The following DCAF8L2 variants were observed in gnomAD, a reference collection of about 807,000 sequenced individuals.
The protein encoded by DCAF8L2 is DDB1- and CUL4-associated factor 8-like protein 2.
For missense variants in DCAF8L2, 430 were observed against 490.7 expected, an observed-to-expected ratio of 0.88 and a Z score of 1.17; for synonymous variants, 200 against 190.9, an observed-to-expected ratio of 1.05 and a Z score of -0.39.
the DCAF8L2 span, among the ~76,000 whole-genome samples, chrX:27,492,018 C>T: frequency 8.9e-6 from 1 of 112,136 alleles, no homozygotes; most frequent in South Asian, 3.7e-4. Flanking sequence ...ATCTGATTTT[C>T]GAAAATACCA....
chrX:27,682,247 G>T (rs1173174230), intron 3 of DCAF8L2, among the ~76,000 whole-genome samples: 1 of 111,872 alleles, frequency 8.9e-6, no homozygotes, highest in Non-Finnish European at 1.9e-5. Context: ...TTACAGGCAT[G>T]AACTACTGTG....
chrX:27,626,636 T>C (rs186138244), intron 1 of DCAF8L2, among the ~76,000 whole-genome samples: 18 of 112,259 alleles, frequency 1.6e-4, no homozygotes, highest in African/African-American at 5.5e-4. Context: ...ATTTGATATG[T>C]AATATTTTTA....
chrX:27,585,451 A>T (rs780505383), upstream of DCAF8L2, among the ~76,000 whole-genome samples: 2 of 111,753 alleles, frequency 1.8e-5, no homozygotes, highest in East Asian at 5.7e-4. Flanking sequence ...AGATTGTCCT[A>T]GATTCCCTTT....
intron 2 of DCAF8L2, chrX:27,676,859 G>C (rs1930156393): frequency 9.0e-6 from 1 of 111,496 alleles, no homozygotes. Flanking sequence ...AGTTTGCCTA[G>C]ACTGGCTCTC....
intron 2 of DCAF8L2, among the ~76,000 whole-genome samples, chrX:27,658,765 A>C (rs1929445880): frequency 8.9e-6 from 1 of 112,468 alleles, no homozygotes; most frequent in Non-Finnish European, 1.9e-5. Context: ...GGTTTGTAAC[A>C]GTCAGAATGA....
upstream of DCAF8L2, chrX:27,590,324 A>G (rs1012529283): frequency 9.0e-6 from 1 of 111,543 alleles, no homozygotes; most frequent in African/African-American, 3.3e-5. Context: ...AATAAGAACC[A>G]TGAGAGATAG....
chrX:27,488,564 C>CGTGTGTGTGTGTGTGTGT, the DCAF8L2 span, among the ~76,000 whole-genome samples: 1 of 47,290 alleles, frequency 2.1e-5, no homozygotes, highest in African/African-American at 1.8e-4. Context: ...TGTGTGTGTG[C>CGTGTGTGTGTGTGTGTGT]GCTTTCATAT....
chrX:27,709,410 T>C (rs1291028584), intron 3 of DCAF8L2, among the ~76,000 whole-genome samples: 1 of 112,444 alleles, frequency 8.9e-6, no homozygotes, highest in Non-Finnish European at 1.9e-5. Context: ...ATTGAACTTC[T>C]TTACAGTTGA....
At chrX:27,559,186 G>T in the DCAF8L2 span, among the ~76,000 whole-genome samples, 1 of 111,175 alleles carries the variant, frequency 9.0e-6, no homozygotes, top group Non-Finnish European at 1.9e-5. Flanking sequence ...CCCAGTCATG[G>T]GTAGTTCTTT....
intron 3 of DCAF8L2, among the ~76,000 whole-genome samples, chrX:27,710,754 A>G (rs1303779181): frequency 2.7e-5 from 3 of 112,085 alleles, no homozygotes; most frequent in Non-Finnish European, 5.6e-5. Flanking sequence ...CTTCATTGCT[A>G]TGGCTAGGGC....
chrX:27,507,007 T>A, the DCAF8L2 span, among the ~76,000 whole-genome samples: 1 of 111,508 alleles, frequency 9.0e-6, no homozygotes, highest in African/African-American at 3.3e-5. Flanking sequence ...CAATCTTTTT[T>A]AAACATCTAT....
Position 27,749,523 on chromosome X carries a change from T to G in DCAF8L2, c.*732T>G, listed in dbSNP as rs780102938. Among the ~76,000 whole-genome samples the G allele has an allele frequency of 6.2e-5, 7 of 112,125 alleles. No individual in the cohort carries two copies. The East Asian group carries it at 1.7e-3, about 27-fold the overall frequency. ...CCATATATTAATAATTTTGAAAAAT[T>G]TGAGTACACTGTAGCTGGTAAGAAC... is the stretch of plus-strand genomic sequence containing the variant. On this transcript the variant is annotated 3_prime_UTR_variant, in exon 5 of 5. Transcript: ENST00000451261.
intron 2 of DCAF8L2, among the ~76,000 whole-genome samples, chrX:27,654,955 A>G (rs1317716540): frequency 9.0e-6 from 1 of 111,154 alleles, no homozygotes; most frequent in Non-Finnish European, 1.9e-5. Flanking sequence ...AATACGAGAA[A>G]CTAGGCAGGT....
the DCAF8L2 span, among the ~76,000 whole-genome samples, chrX:27,580,275 C>A: frequency 2.7e-5 from 3 of 111,217 alleles, no homozygotes; most frequent in Non-Finnish European, 5.7e-5. Context: ...GTTGGTTAAT[C>A]AGGACTATCT....
chrX:27,522,586 C>A, the DCAF8L2 span, among the ~76,000 whole-genome samples: 1 of 111,457 alleles, frequency 9.0e-6, no homozygotes, highest in African/African-American at 3.3e-5. Context: ...TTTTAATAGC[C>A]ATCAAAAAGC....
At chrX:27,512,801 A>AAAAAAAAAAAAC in the DCAF8L2 span, among the ~76,000 whole-genome samples, 2 of 88,651 alleles carry the variant, frequency 2.3e-5, no homozygotes, top group Admixed American at 1.3e-4. Flanking sequence ...AAAAAAAAAA[A>AAAAAAAAAAAAC]AAAAAAAAAC....
chrX:27,486,128 C>T, the DCAF8L2 span, among the ~76,000 whole-genome samples: 1 of 107,425 alleles, frequency 9.3e-6, no homozygotes, highest in Non-Finnish European at 1.9e-5. Context: ...GCCTCAGCCT[C>T]CCGAGCATCT....
chrX:27,733,253 G>A (rs1921327389), intron 4 of DCAF8L2, among the ~76,000 whole-genome samples: 1 of 111,260 alleles, frequency 9.0e-6, no homozygotes, highest in Non-Finnish European at 1.9e-5. Flanking sequence ...ATCTCACTGT[G>A]GTTTTGATTT....
the DCAF8L2 span, among the ~76,000 whole-genome samples, chrX:27,582,462 A>G: frequency 1.8e-5 from 2 of 110,090 alleles, no homozygotes; most frequent in African/African-American, 6.6e-5. Context: ...CTTGTTTTTT[A>G]TAATCTCGGT....
Sources: allele counts gnomAD v4.1 joint callset (sites outside exome capture counted in the v4.1 genomes callset), GRCh38; gene constraint gnomAD v4.1.1; transcripts MANE v1.5; gene names NCBI Gene and HGNC (gene_info 2026-07-23, HGNC 2026-07-21).